The following SMCHD1 variants were observed in gnomAD, a reference collection of about 807,000 sequenced individuals.
The protein encoded by SMCHD1 is structural maintenance of chromosomes flexible hinge domain-containing protein 1.
Under a neutral mutation model 254.7 loss-of-function variants are expected in SMCHD1, and 78 were observed. The ratio of observed to expected loss-of-function variants is 0.31; its 90% CI spans 0.26 to 0.37. SMCHD1 has a LOEUF of 0.37. Among genes scored for constraint, SMCHD1 ranks in the 10% least tolerant of loss-of-function variants. The pLI, the probability that SMCHD1 is intolerant of heterozygous loss-of-function variation, is 1.00. For synonymous variants in SMCHD1, 766 were observed against 794.9 expected, an observed-to-expected ratio of 0.96 and a Z score of 0.61; for missense variants, 1,840 against 2,408.1, an observed-to-expected ratio of 0.76 and a Z score of 4.94.
At chr18:2,777,991 G>A in intron 43 of SMCHD1, 76 bp downstream of exon 43, 1 of 1,084,170 alleles carries the variant, frequency 9.2e-7, no homozygotes, top group Non-Finnish European at 1.3e-6. Flanking sequence ...TACTGATAAT[G>A]AAAATTTATA....
chr18:2,670,111 A>G (rs1277213994), intron 3 of SMCHD1, among the ~76,000 whole-genome samples: 1 of 152,158 alleles, frequency 6.6e-6, no homozygotes, highest in Non-Finnish European at 1.5e-5. Context: ...CTCGCTGCTG[A>G]AAACACCCAT....
At chr18:2,702,422 A>T (rs548949690) in intron 12 of SMCHD1, 1 of 152,184 alleles carries the variant, frequency 6.6e-6, no homozygotes, top group African/African-American at 2.4e-5. Context: ...TTGTACTTTG[A>T]CTGTTACTGA....
chr18:2,761,954 AAATT>A lies in SMCHD1; in HGVS notation c.4435-150_4435-147del, dbSNP rs2075793341. On this transcript the variant is annotated intron_variant, in intron 35 of 47. Coordinates refer to ENST00000320876, the MANE Select transcript of SMCHD1 (RefSeq NM_015295.3). The stretch of plus-strand genomic sequence containing the variant: ...CTTTTTTATGCTGAATTTTAAAAGC[AAATT>A]GATTACTTTTAAAAGATTAATGGAA... 1.4e-5 allele frequency: 9 copies of A among 641,930 alleles called. 1 individual carries two copies. The South Asian group carries it at 3.0e-4, about 22-fold the overall frequency. The allele number at this position is 641,930 out of a possible 1,614,324, so 39.8% of individuals were successfully genotyped here.
intron 34 of SMCHD1, among the ~76,000 whole-genome samples, chr18:2,756,006 T>A (rs1254390987): frequency 6.6e-6 from 1 of 152,224 alleles, no homozygotes; most frequent in Non-Finnish European, 1.5e-5. Context: ...AAGTGTGATG[T>A]TTGCTTTAGA....
At chr18:2,708,867 CATATATATATATATATATATAT>C (rs763226355) in intron 17 of SMCHD1, among the ~76,000 whole-genome samples, 591 of 8,300 alleles carry the variant, frequency 0.071, 83 homozygotes, top group African/African-American at 0.22. Context: ...TCAATAACTT[CATATATATATATATATATATAT>C]ATATATATAT....
At position 2,796,086 on chromosome 18, in the gene SMCHD1, A is replaced by G; in HGVS notation, c.5857A>G (p.Lys1953Glu). The G allele has an allele frequency of 3.2e-6, 5 of 1,566,388 alleles. No individual in the cohort carries two copies. Among genetic ancestry groups the G allele is most frequent in the East Asian group, 2.3e-5 (1 of 43,508 alleles). ...ACTTGATGAACATGAGAAAAATCTC[A>G]AACTAATAGAGGAAAAACTAGGTAA... ...QELDEHEKNL[K>E]LIEEKLGMTP... The change falls in exon 46 of 48, where the codon AAA (lysine) becomes GAA (glutamate). Residue 1953 changes from lysine to glutamate, a missense_variant. Transcript: ENST00000320876.
In SMCHD1 at chr18:2,762,152, A is replaced by G; in HGVS notation, c.4482A>G (p.Lys1494=). The G allele has an allele frequency of 6.2e-7, 1 of 1,613,742 alleles. No homozygotes were observed. Among genetic ancestry groups the G allele is most frequent in the Non-Finnish European group, 8.5e-7 (1 of 1,179,738 alleles). Residue 1494 remains lysine, a synonymous_variant, in exon 36 of 48, where the codon AAA becomes AAG. Transcript: ENST00000320876. ...ATCAACCTGTGAAGTTAGTACCTAA[A>G]ATTAAACCACCTACACCAGCTGTTT... ...LPNQPVKLVP[K]IKPPTPAVSN... is the part of the protein sequence containing the mutation.
At chr18:2,707,420 A>G (rs2074543691) in intron 15 of SMCHD1, 143 bp from the exon 16 acceptor site, 1 of 436,818 alleles carries the variant, frequency 2.3e-6, no homozygotes, top group Non-Finnish European at 4.0e-6. Flanking sequence ...AAATTTTTAG[A>G]TGATTAATCG....
chr18:2,673,959 T>A lies in SMCHD1; in HGVS notation c.508-56T>A. 13 of 1,489,076 alleles carry A rather than the reference T, an allele frequency of 8.7e-6. No homozygotes were observed. In the South Asian group the frequency reaches 1.4e-4, roughly 16 times the overall value. 92.2% of individuals were successfully genotyped at this position (1,489,076 alleles called of 1,614,324 possible). The stretch of plus-strand genomic sequence containing the variant: ...CATTTTTTTCATGTTTAACTTTTCA[T>A]GTTTTAAGTATTGATTTGACTTTTC... On this transcript the variant is annotated intron_variant, in intron 4 of 47. Transcript: ENST00000320876.
intron 12 of SMCHD1, 64 bp downstream of exon 12, chr18:2,700,982 C>T (rs1327196402): frequency 8.3e-7 from 1 of 1,211,110 alleles, no homozygotes; most frequent in African/African-American, 1.5e-5. Context: ...TAAAAGAAGA[C>T]ACTAGCAGTG....
Position 2,732,780 on chromosome 18 carries a change from A to G in SMCHD1, c.3276+288A>G, listed in dbSNP as rs78050995. ...CTTCCTGACTAGCTGTTTTTCTGCAATCATAATCAACATCACCACCTTGAT... is the reference window on the plus strand; with the variant it reads ...CTTCCTGACTAGCTGTTTTTCTGCAGTCATAATCAACATCACCACCTTGAT... On this transcript the variant is annotated intron_variant, in intron 25 of 47. Coordinates refer to ENST00000320876, the MANE Select transcript of SMCHD1 (RefSeq NM_015295.3). 0.031 allele frequency among the ~76,000 whole-genome samples: 4,744 copies of G among 152,304 alleles called. 243 individuals are homozygous for G. The highest frequency in any genetic ancestry group is 0.11 in the African/African-American group (4,469 of 41,564).
At chr18:2,770,850 A>G (rs2143742236) in intron 39 of SMCHD1, among the ~76,000 whole-genome samples, 2 of 152,202 alleles carry the variant, frequency 1.3e-5, no homozygotes, top group East Asian at 1.9e-4. Flanking sequence ...CGAACTTCTT[A>G]CCTCAAGTGA....
At position 2,803,205 on chromosome 18, in the gene SMCHD1, T is replaced by TATATATATATATATAA. The variant is rs2076394338; in HGVS notation, c.*666_*667insTAAATATATATATATA. 2.0e-5 allele frequency: 3 copies of TATATATATATATATAA among 147,056 alleles called. No individual in the cohort carries two copies. Among genetic ancestry groups the TATATATATATATATAA allele is most frequent in the African/African-American group, 7.4e-5 (3 of 40,610 alleles). The allele number at this position is 147,056 out of a possible 1,614,324, so 9.1% of individuals were successfully genotyped here. A position where few individuals can be genotyped will look rare whatever the true frequency, so the allele number is the denominator to read the frequency against. ...CTGTGTGTGTGTGTGTGTGTATATA[T>TATATATATATATATAA]ATATATATATATAAATATATATATA... On this transcript the variant is annotated 3_prime_UTR_variant, in exon 48 of 48. Transcript: ENST00000320876.
In SMCHD1 at chr18:2,802,628, G is replaced by A. The variant is rs1158214502; in HGVS notation, c.*76G>A. 2.2e-6 allele frequency: 3 copies of A among 1,373,756 alleles called. No individual in the cohort carries two copies. Among genetic ancestry groups the A allele is most frequent in the Non-Finnish European group, 3.0e-6 (3 of 1,009,390 alleles). 85.1% of individuals were successfully genotyped at this position (1,373,756 alleles called of 1,614,324 possible). A position where few individuals can be genotyped will look rare whatever the true frequency, so the allele number is the denominator to read the frequency against. ...CTGCATCTCTGTTTCAGAAGACCAA[G>A]AGGGTGACTTACCAGACTGAGTATT... On this transcript the variant is annotated 3_prime_UTR_variant, in exon 48 of 48. Coordinates refer to ENST00000320876, the MANE Select transcript of SMCHD1 (RefSeq NM_015295.3).
intron 17 of SMCHD1, among the ~76,000 whole-genome samples, chr18:2,711,772 G>A (rs1239132536): frequency 2.6e-5 from 4 of 152,142 alleles, no homozygotes; most frequent in Admixed American, 6.5e-5. Flanking sequence ...GTGAGCCACC[G>A]CGCCCGGCCT....
chr18:2,694,857 T>C (rs2074253759), intron 8 of SMCHD1, among the ~76,000 whole-genome samples, 164 bp downstream of exon 8: 1 of 152,230 alleles, frequency 6.6e-6, no homozygotes, highest in African/African-American at 2.4e-5. Flanking sequence ...AACAGCTCTC[T>C]ATTCATTTAT....
rs748460358 is a variant in SMCHD1, at chr18:2,762,221, A to G, written c.4551A>G (p.Leu1517=). Residue 1517 remains leucine, a synonymous_variant, in exon 36 of 48, where the codon CTA becomes CTG. Coordinates refer to ENST00000320876, the MANE Select transcript of SMCHD1 (RefSeq NM_015295.3). The part of the protein sequence containing the change: ...SVASRTLVRD[L]HLSITDDYDN... ...CCAGTAGGACCTTGGTCAGAGATCT[A>G]CATCTTAGTATCACGGTAATGTTTA... is the stretch of plus-strand genomic sequence containing the variant. 1 of 1,613,672 alleles carries G rather than the reference A, an allele frequency of 6.2e-7. No individual in the cohort carries two copies. The highest frequency in any genetic ancestry group is 1.3e-5 in the African/African-American group (1 of 75,046).
chr18:2,688,328 C>A, intron 5 of SMCHD1, 66 bp from the exon 6 acceptor site: 1 of 1,070,236 alleles, frequency 9.3e-7, no homozygotes, highest in Non-Finnish European at 1.4e-6. Flanking sequence ...AATACAAGTG[C>A]AATGAAAGTT....
intron 12 of SMCHD1, 170 bp downstream of exon 12, chr18:2,701,088 T>G: frequency 2.1e-6 from 1 of 479,906 alleles, no homozygotes; most frequent in South Asian, 4.6e-5. Flanking sequence ...TTAAAGCTAA[T>G]TTTTTAGTAA....
Sources: allele counts gnomAD v4.1 joint callset (sites outside exome capture counted in the v4.1 genomes callset), GRCh38; gene constraint gnomAD v4.1.1; transcripts MANE v1.5; gene names NCBI Gene and HGNC (gene_info 2026-07-23, HGNC 2026-07-21).